MAML2: variants seen among roughly 807,000 people sequenced by gnomAD.
MAML2 encodes mastermind like transcriptional coactivator 2.
MAML2 carries 22 observed loss-of-function variants against 96.1 expected under a neutral mutation model. The observed-to-expected ratio is 0.23, with a 90% CI of 0.16 to 0.33. MAML2 has a LOEUF of 0.33. Ranked by LOEUF, MAML2 falls within the 10% of genes least tolerant of loss-of-function variation. The pLI, the probability that MAML2 is intolerant of heterozygous loss-of-function variation, is 1.00. For missense variants in MAML2, 1,367 were observed against 1,392.4 expected (o/e 0.98, Z 0.29); for synonymous variants, 561 against 521.3 (o/e 1.08, Z -1.04).
intron 1 of MAML2, among the ~76,000 whole-genome samples, chr11:96,315,902 G>A (rs1332073931): frequency 6.6e-6 from 1 of 152,182 alleles, no homozygotes; most frequent in African/African-American, 2.4e-5. Flanking sequence ...TGGTCAGATC[G>A]GCAGGTAGAC....
At chr11:96,154,668 G>A (rs1220765445) in intron 1 of MAML2, among the ~76,000 whole-genome samples, 1 of 152,146 alleles carries the variant, frequency 6.6e-6, no homozygotes, top group East Asian at 1.9e-4. Context: ...GAGGTAGCAG[G>A]CACTGTGAAT....
At chr11:96,201,863 G>A (rs1861827520) in intron 1 of MAML2, among the ~76,000 whole-genome samples, 1 of 151,118 alleles carries the variant, frequency 6.6e-6, no homozygotes, top group African/African-American at 2.4e-5. Flanking sequence ...AGGTTGCAGT[G>A]AGCCAATATC....
At chr11:96,008,211 TTC>T (rs1858216213) in intron 2 of MAML2, among the ~76,000 whole-genome samples, 1 of 146,072 alleles carries the variant, frequency 6.8e-6, no homozygotes, top group Non-Finnish European at 1.5e-5. Flanking sequence ...AACCTTTTTT[TTC>T]CTCAGCAATT....
At chr11:96,278,876 G>C (rs1031488921) in intron 1 of MAML2, among the ~76,000 whole-genome samples, 4 of 152,110 alleles carry the variant, frequency 2.6e-5, no homozygotes, top group South Asian at 4.1e-4. Context: ...GGATAACTGC[G>C]GGGGGTATGT....
At chr11:96,253,534 A>G (rs1036447330) in intron 1 of MAML2, among the ~76,000 whole-genome samples, 2 of 152,186 alleles carry the variant, frequency 1.3e-5, no homozygotes, top group Middle Eastern at 3.2e-3. Context: ...TCTGTACTCA[A>G]GTGAGTGCTG....
chr11:96,031,198 T>C (rs910687093), intron 2 of MAML2, among the ~76,000 whole-genome samples: 7 of 152,338 alleles, frequency 4.6e-5, no homozygotes, highest in Non-Finnish European at 8.8e-5. Context: ...TTTGTGCAAT[T>C]ATTATTGGCC....
chr11:96,172,073 A>G (rs1269288530), intron 1 of MAML2, among the ~76,000 whole-genome samples: 2 of 152,262 alleles, frequency 1.3e-5, no homozygotes, highest in African/African-American at 4.8e-5. Flanking sequence ...CACAAAGCAC[A>G]GTATATTCTG....
intron 1 of MAML2, among the ~76,000 whole-genome samples, chr11:96,186,845 C>T (rs539687179): frequency 6.6e-6 from 1 of 152,204 alleles, no homozygotes; most frequent in African/African-American, 2.4e-5. Context: ...CCCTTAACAA[C>T]TATTAGCCAG....
At chr11:96,091,144 T>C (rs918526989) in intron 2 of MAML2, among the ~76,000 whole-genome samples, 3 of 152,206 alleles carry the variant, frequency 2.0e-5, no homozygotes, top group African/African-American at 7.2e-5. Flanking sequence ...AACCAAACGA[T>C]GTAAGGTTAC....
intron 1 of MAML2, among the ~76,000 whole-genome samples, chr11:96,276,293 T>C (rs1469952182): frequency 1.3e-5 from 2 of 152,222 alleles, no homozygotes; most frequent in South Asian, 2.1e-4. Context: ...ACATTCACTC[T>C]TGCTGACTGA....
chr11:96,177,683 G>C (rs1861408457), intron 1 of MAML2, among the ~76,000 whole-genome samples: 2 of 152,124 alleles, frequency 1.3e-5, no homozygotes, highest in Non-Finnish European at 2.9e-5. Context: ...ATACCTTTGT[G>C]TCTGACCTAA....
intron 1 of MAML2, among the ~76,000 whole-genome samples, chr11:96,165,719 C>T (rs1029236258): frequency 5.9e-5 from 9 of 152,160 alleles, no homozygotes; most frequent in East Asian, 1.9e-4. Context: ...TACATAATTA[C>T]GCTCTCACAG....
chr11:96,180,921 T>C (rs1185303398), intron 1 of MAML2, among the ~76,000 whole-genome samples: 1 of 128,754 alleles, frequency 7.8e-6, no homozygotes, highest in African/African-American at 3.0e-5. Flanking sequence ...GTTTGTTCTC[T>C]GGCGGGTAGG....
chr11:96,131,453 TAAC>T (rs766913992), intron 1 of MAML2, among the ~76,000 whole-genome samples: 6 of 152,210 alleles, frequency 3.9e-5, no homozygotes, highest in African/African-American at 1.2e-4. Flanking sequence ...AACATATACT[TAAC>T]AACAACTTGT....
intron 2 of MAML2, among the ~76,000 whole-genome samples, chr11:96,006,896 C>G (rs1858189848): frequency 6.6e-6 from 1 of 151,114 alleles, no homozygotes; most frequent in African/African-American, 2.4e-5. Flanking sequence ...CACACACACA[C>G]ACACACACAC....
intron 1 of MAML2, among the ~76,000 whole-genome samples, chr11:96,316,475 G>A (rs1409694088): frequency 2.0e-5 from 3 of 151,954 alleles, no homozygotes; most frequent in Admixed American, 6.5e-5. Flanking sequence ...CATTCATGTT[G>A]AGATCTAAAA....
chr11:96,091,975 G>C lies in MAML2; in HGVS notation c.2056C>G (p.Leu686Val). The stretch of plus-strand genomic sequence containing the variant: ...TGCTGAAGTAGGAGCTTTTGCTGAA[G>C]TGGCAAAGGTGACCTTAGCAAAGGC... ...SQPLLRSPLP[L>V]QQKLLLQQMQ... Residue 686 changes from leucine to valine, a missense_variant, in exon 2 of 5, where the codon CTT (leucine) becomes GTT (valine). Leu to Val is a conservative substitution (Grantham distance 32). Coordinates refer to ENST00000524717, the MANE Select transcript of MAML2 (RefSeq NM_032427.4). The C allele has an allele frequency of 6.2e-7, 1 of 1,605,068 alleles. No homozygotes were observed. Among genetic ancestry groups the C allele is most frequent in the Non-Finnish European group, 8.5e-7 (1 of 1,175,548 alleles).
intron 2 of MAML2, among the ~76,000 whole-genome samples, chr11:96,042,349 C>T (rs1013040134): frequency 1.3e-5 from 2 of 151,880 alleles, no homozygotes; most frequent in Non-Finnish European, 2.9e-5. Flanking sequence ...CTCGAGCTCC[C>T]GACCTCAGAT....
At chr11:96,193,235 T>TG (rs901696521) in intron 1 of MAML2, among the ~76,000 whole-genome samples, 5 of 152,232 alleles carry the variant, frequency 3.3e-5, no homozygotes, top group African/African-American at 1.2e-4. Context: ...GGCATAGTGG[T>TG]GGGTGCCCCT....
Sources: allele counts gnomAD v4.1 joint callset (sites outside exome capture counted in the v4.1 genomes callset), GRCh38; gene constraint gnomAD v4.1.1; transcripts MANE v1.5; gene names NCBI Gene and HGNC (gene_info 2026-07-23, HGNC 2026-07-21).